COL23A1: variants seen among roughly 807,000 people sequenced by gnomAD.
The protein encoded by COL23A1 is collagen type XXIII alpha 1 chain, also known as collagen alpha-1(XXIII) chain.
In COL23A1, 97 loss-of-function variants were observed where a neutral mutation model predicts 99.3. The observed-to-expected ratio is 0.98, with a 90% CI of 0.83 to 1.16. COL23A1 has a LOEUF of 1.16. COL23A1 is among the 50% of genes most tolerant of loss of function. The pLI is 0.00. For missense variants in COL23A1, 762 were observed against 757.4 expected (o/e 1.01, Z -0.07); for synonymous variants, 320 against 308.2 (o/e 1.04, Z -0.40).
chr5:178,358,794 T>C (rs1216249577), intron 2 of COL23A1, among the ~76,000 whole-genome samples: 1 of 152,052 alleles, frequency 6.6e-6, no homozygotes, highest in Non-Finnish European at 1.5e-5. Flanking sequence ...TGTGTAAACA[T>C]GATATACCCA....
chr5:178,463,974 C>G (rs1263668059), intron 2 of COL23A1, among the ~76,000 whole-genome samples: 1 of 152,212 alleles, frequency 6.6e-6, no homozygotes, highest in Non-Finnish European at 1.5e-5. Flanking sequence ...TGAGCACAAC[C>G]ACAGGCTCAT....
chr5:178,253,289 C>T (rs1320595515), intron 16 of COL23A1, among the ~76,000 whole-genome samples: 5 of 151,136 alleles, frequency 3.3e-5, no homozygotes, highest in African/African-American at 9.7e-5. Flanking sequence ...TCTCCCCTCC[C>T]ACCTCCCTAT....
At chr5:178,353,325 C>T (rs1468301278) in intron 2 of COL23A1, among the ~76,000 whole-genome samples, 1 of 152,102 alleles carries the variant, frequency 6.6e-6, no homozygotes, top group Non-Finnish European at 1.5e-5. Context: ...ACACAAACCT[C>T]AGAGGCCATA....
At chr5:178,516,195 C>T (rs1759501752) in intron 2 of COL23A1, among the ~76,000 whole-genome samples, 1 of 152,118 alleles carries the variant, frequency 6.6e-6, no homozygotes, top group African/African-American at 2.4e-5. Context: ...TCTGAGAAAC[C>T]TCCCTCACTG....
chr5:178,532,779 T>C (rs1193905877), intron 2 of COL23A1, among the ~76,000 whole-genome samples: 1 of 152,010 alleles, frequency 6.6e-6, no homozygotes, highest in Non-Finnish European at 1.5e-5. Context: ...GGTGATGGGA[T>C]TTGGGTCATT....
chr5:178,250,303 A>C (rs1476720564), intron 17 of COL23A1, among the ~76,000 whole-genome samples, 198 bp from the exon 18 acceptor site: 2 of 152,200 alleles, frequency 1.3e-5, no homozygotes, highest in African/African-American at 4.8e-5. Flanking sequence ...ATCACCTGTA[A>C]GTTGTTATGT....
Position 178,387,119 on chromosome 5 carries a change from C to T in COL23A1, c.362-80200G>A, listed in dbSNP as rs976219202. On this transcript the variant is annotated intron_variant, in intron 2 of 28. Transcript: ENST00000390654. This position sits in a 1 kb window ranked among gnomAD's most constrained non-coding sequence, Gnocchi z 4.7. ...TCTCCCACGGCAGCTTCTCATCACC[C>T]CGTCTGGAACCAACAACACCCTCTT... Among the ~76,000 whole-genome samples, 17 of 152,078 alleles carry T rather than the reference C, an allele frequency of 1.1e-4. No individual in the cohort carries two copies. The highest frequency in any genetic ancestry group is 4.1e-4 in the African/African-American group (17 of 41,396).
intron 2 of COL23A1, among the ~76,000 whole-genome samples, chr5:178,320,010 C>T (rs1666164401): frequency 6.6e-6 from 1 of 152,238 alleles, no homozygotes; most frequent in Non-Finnish European, 1.5e-5. Flanking sequence ...GGGCTCTCCT[C>T]TGCCCATTCC....
intron 3 of COL23A1, among the ~76,000 whole-genome samples, chr5:178,302,801 A>G (rs1758144883): frequency 6.6e-6 from 1 of 152,240 alleles, no homozygotes; most frequent in East Asian, 1.9e-4. Flanking sequence ...TCCTGGGGAC[A>G]GGGCTCTTTG....
chr5:178,296,518 C>T (rs1418612487), intron 3 of COL23A1, among the ~76,000 whole-genome samples: 1 of 152,216 alleles, frequency 6.6e-6, no homozygotes, highest in African/African-American at 2.4e-5. Flanking sequence ...TGGGAAGGCA[C>T]TTTCGTCCGT....
intron 2 of COL23A1, among the ~76,000 whole-genome samples, chr5:178,505,594 G>A (rs775516252): frequency 1.3e-5 from 2 of 152,020 alleles, no homozygotes; most frequent in Non-Finnish European, 2.9e-5. Flanking sequence ...ATTGGATTAG[G>A]GCACGTGTTA....
At position 178,280,879 on chromosome 5, in the gene COL23A1, G is replaced by A. The variant is rs1173365775; in HGVS notation, c.441+7445C>T. Among the ~76,000 whole-genome samples the A allele has an allele frequency of 4.6e-5, 7 of 152,218 alleles. No individual in the cohort carries two copies. The highest frequency in any genetic ancestry group is 1.9e-4 in the East Asian group (1 of 5,188). On this transcript the variant is annotated intron_variant, in intron 5 of 28. Coordinates refer to ENST00000390654, the MANE Select transcript of COL23A1 (RefSeq NM_173465.4). This position sits in a 1 kb window ranked among gnomAD's most constrained non-coding sequence, Gnocchi z 4.9. The stretch of plus-strand genomic sequence containing the variant: ...CAGATACAGGAGGCATCTGGGAGCC[G>A]AGGGCGGAGCAGCAGCTCGGGCCCC...
rs1157994714 is a variant in COL23A1, at chr5:178,468,664, C to A, written c.361+92018G>T. On this transcript the variant is annotated intron_variant, in intron 2 of 28. Coordinates refer to ENST00000390654, the MANE Select transcript of COL23A1 (RefSeq NM_173465.4). The surrounding 1 kb of genome is among the most constrained non-coding windows in gnomAD (Gnocchi z 4.2). ...GCCGGGTCCGAGGTCACGGAGCCTG[C>A]AGCTCTCCTCAACTGTGTTCTGGGG... 1.3e-5 allele frequency among the ~76,000 whole-genome samples: 2 copies of A among 152,178 alleles called. No homozygotes were observed. Among genetic ancestry groups the A allele is most frequent in the Non-Finnish European group, 2.9e-5 (2 of 68,028 alleles).
intron 2 of COL23A1, among the ~76,000 whole-genome samples, chr5:178,473,037 C>T (rs923422037): frequency 4.4e-5 from 6 of 135,400 alleles, no homozygotes; most frequent in African/African-American, 8.1e-5. Flanking sequence ...GCGAGAGGAT[C>T]GCTTGAGCCC....
At chr5:178,490,118 C>A (rs1757848095) in intron 2 of COL23A1, among the ~76,000 whole-genome samples, 1 of 151,862 alleles carries the variant, frequency 6.6e-6, no homozygotes, top group African/African-American at 2.4e-5. Flanking sequence ...CGCCTGTACT[C>A]AGGAGGCTGA....
intron 2 of COL23A1, among the ~76,000 whole-genome samples, chr5:178,500,172 A>G (rs1293110089): frequency 1.3e-5 from 2 of 152,154 alleles, no homozygotes; most frequent in Non-Finnish European, 2.9e-5. Context: ...GGTGATGTAT[A>G]TGTTTATTTT....
chr5:178,480,914 G>A (rs1757297553), intron 2 of COL23A1, among the ~76,000 whole-genome samples: 1 of 152,088 alleles, frequency 6.6e-6, no homozygotes, highest in Non-Finnish European at 1.5e-5. Context: ...AGGAGGCTGA[G>A]GTGGGAGGAT....
At chr5:178,319,267 T>C (rs936496439) in intron 2 of COL23A1, among the ~76,000 whole-genome samples, 1 of 152,192 alleles carries the variant, frequency 6.6e-6, no homozygotes, top group Non-Finnish European at 1.5e-5. Context: ...GAGGCGCATG[T>C]AAACCAGCAC....
At chr5:178,411,715 G>A (rs1765065192) in intron 2 of COL23A1, among the ~76,000 whole-genome samples, 1 of 152,132 alleles carries the variant, frequency 6.6e-6, no homozygotes, top group Non-Finnish European at 1.5e-5. Flanking sequence ...TAAAGGTGGT[G>A]GTTGCACAAC....
Sources: allele counts gnomAD v4.1 joint callset (sites outside exome capture counted in the v4.1 genomes callset), GRCh38; gene constraint gnomAD v4.1.1; non-coding constraint Gnocchi (gnomAD v3.1); transcripts MANE v1.5; gene names NCBI Gene and HGNC (gene_info 2026-07-23, HGNC 2026-07-21).